Variants in ROBO1 observed in about 807,000 individuals in gnomAD.
ROBO1 encodes the protein roundabout guidance receptor 1, also known as roundabout homolog 1.
ROBO1 carries 149 observed loss-of-function variants against 195.9 expected under a neutral mutation model. The observed-to-expected ratio is 0.76, with a 90% confidence interval of 0.67 to 0.87. The LOEUF (loss-of-function observed/expected upper bound fraction) is 0.87, where lower values mean the gene tolerates loss of function less well. ROBO1 is among the 40% of genes least tolerant of loss of function. The pLI is 0.00. For synonymous variants in ROBO1, 816 were observed against 733.2 expected (o/e 1.11, Z -1.82); for missense variants, 1,933 against 2,068.3 (o/e 0.93, Z 1.27).
At chr3:79,361,539 C>T (rs958300871) in intron 2 of ROBO1, among the ~76,000 whole-genome samples, 1 of 151,810 alleles carries the variant, frequency 6.6e-6, no homozygotes, top group African/African-American at 2.4e-5. Context: ...GATTTAATAC[C>T]AGCAAAAGCA....
At chr3:79,246,352 G>C (rs951442281) in intron 2 of ROBO1, among the ~76,000 whole-genome samples, 1 of 152,120 alleles carries the variant, frequency 6.6e-6, no homozygotes, top group Non-Finnish European at 1.5e-5. Flanking sequence ...ATTAGTTGCA[G>C]AGTTAGCTGG....
intron 2 of ROBO1, among the ~76,000 whole-genome samples, chr3:79,267,100 A>T: frequency 6.6e-6 from 1 of 151,518 alleles, no homozygotes; most frequent in East Asian, 1.9e-4. Context: ...TTATGAATAT[A>T]AATTGTAAAA....
intron 1 of ROBO1, among the ~76,000 whole-genome samples, chr3:79,712,402 A>T (rs1022601072): frequency 6.6e-6 from 1 of 152,150 alleles, no homozygotes; most frequent in Non-Finnish European, 1.5e-5. Context: ...AAGCCACAAC[A>T]TTCCCTTAAG....
At chr3:79,559,803 G>C (rs1420003601) in intron 2 of ROBO1, among the ~76,000 whole-genome samples, 1 of 152,066 alleles carries the variant, frequency 6.6e-6, no homozygotes, top group Non-Finnish European at 1.5e-5. Context: ...TGTTATCCCA[G>C]CTACTTAGGA....
chr3:78,717,938 ATGACAGATGTCTT>A, intron 5 of ROBO1, 55 bp from the exon 6 acceptor site: 1 of 1,562,490 alleles, frequency 6.4e-7, no homozygotes, highest in East Asian at 2.2e-5. Flanking sequence ...CTATGTTTAC[ATGACAGATGTCTT>A]CATAAGTGAA....
intron 2 of ROBO1, among the ~76,000 whole-genome samples, chr3:79,448,251 T>C (rs2039331038): frequency 6.6e-6 from 1 of 152,158 alleles, no homozygotes; most frequent in Non-Finnish European, 1.5e-5. Context: ...CATGGTATGC[T>C]CTAGTCAAGG....
At chr3:78,908,721 G>A (rs923751916) in intron 4 of ROBO1, among the ~76,000 whole-genome samples, 1 of 151,856 alleles carries the variant, frequency 6.6e-6, no homozygotes, top group Non-Finnish European at 1.5e-5. Context: ...TACAGCAGCA[G>A]TGGTAAGCAC....
intron 10 of ROBO1, among the ~76,000 whole-genome samples, chr3:78,683,871 G>C (rs1490248668): frequency 1.3e-5 from 2 of 151,702 alleles, no homozygotes; most frequent in Non-Finnish European, 2.9e-5. Flanking sequence ...TATTTTCAAG[G>C]CCTCAAGGTA....
chr3:79,162,265 C>A (rs1322087066), intron 2 of ROBO1, among the ~76,000 whole-genome samples: 2 of 151,980 alleles, frequency 1.3e-5, no homozygotes, highest in African/African-American at 4.8e-5. Flanking sequence ...CAGAGAAAAT[C>A]TCTGAATAGC....
chr3:79,601,362 G>A (rs150598180), intron 1 of ROBO1, among the ~76,000 whole-genome samples: 217 of 152,044 alleles, frequency 1.4e-3, no homozygotes, highest in Non-Finnish European at 8.7e-4. Context: ...AAATAGCTTC[G>A]TGTGCAAAAC....
intron 2 of ROBO1, among the ~76,000 whole-genome samples, chr3:79,162,389 C>A (rs910470016): frequency 1.3e-5 from 2 of 152,014 alleles, no homozygotes; most frequent in Non-Finnish European, 2.9e-5. Flanking sequence ...TAAGGTGGAA[C>A]CTACATGTGG....
At chr3:78,794,745 G>A (rs1285663759) in intron 4 of ROBO1, among the ~76,000 whole-genome samples, 2 of 151,996 alleles carry the variant, frequency 1.3e-5, no homozygotes, top group African/African-American at 4.8e-5. Context: ...ATCATGCCTG[G>A]CTAATTTTTG....
At chr3:79,105,588 A>G (rs1486967971) in intron 3 of ROBO1, among the ~76,000 whole-genome samples, 1 of 151,776 alleles carries the variant, frequency 6.6e-6, no homozygotes, top group African/African-American at 2.4e-5. Context: ...TATGAATTTC[A>G]TGCCTGTGGT....
At chr3:79,395,198 T>C (rs2037100628) in intron 2 of ROBO1, among the ~76,000 whole-genome samples, 1 of 151,110 alleles carries the variant, frequency 6.6e-6, no homozygotes, top group South Asian at 2.1e-4. Flanking sequence ...TGGCGGCACC[T>C]GTGGTCCCAG....
intron 2 of ROBO1, among the ~76,000 whole-genome samples, chr3:79,183,402 C>A (rs1385996667): frequency 2.6e-5 from 4 of 152,214 alleles, no homozygotes; most frequent in Admixed American, 2.6e-4. Context: ...GAAATCAAGA[C>A]TGTCAGAAGT....
At chr3:78,608,512 C>T (rs1703602850) in intron 28 of ROBO1, among the ~76,000 whole-genome samples, 1 of 152,046 alleles carries the variant, frequency 6.6e-6, no homozygotes, top group South Asian at 2.1e-4. Flanking sequence ...AAAAATCATT[C>T]CTCCGGGGAG....
intron 1 of ROBO1, among the ~76,000 whole-genome samples, chr3:79,655,351 C>T (rs544588676): frequency 6.6e-6 from 1 of 152,066 alleles, no homozygotes; most frequent in African/African-American, 2.4e-5. Context: ...CTGTTAAGCA[C>T]AATACTGTTC....
At chr3:79,489,082 A>T (rs1939310060) in intron 2 of ROBO1, among the ~76,000 whole-genome samples, 1 of 151,348 alleles carries the variant, frequency 6.6e-6, no homozygotes, top group African/African-American at 2.4e-5. Context: ...ATAAAAAATT[A>T]AAATGGAAAA....
chr3:78,938,447 A>G, intron 4 of ROBO1, among the ~76,000 whole-genome samples, 154 bp downstream of exon 4: 1 of 152,186 alleles, frequency 6.6e-6, no homozygotes, highest in East Asian at 1.9e-4. Context: ...AGAAATACAG[A>G]AAACCGAAAT....
Sources: allele counts gnomAD v4.1 joint callset (sites outside exome capture counted in the v4.1 genomes callset), GRCh38; gene constraint gnomAD v4.1.1; transcripts MANE v1.5; gene names NCBI Gene and HGNC (gene_info 2026-07-23, HGNC 2026-07-21).